CNKSR3: variants seen among roughly 807,000 people sequenced by gnomAD.
CNKSR3 encodes the protein CNKSR family member 3.
Under a neutral mutation model 67.7 loss-of-function variants are expected in CNKSR3, and 36 were observed. The observed-to-expected ratio is 0.53, with a 90% CI of 0.41 to 0.70. The LOEUF (loss-of-function observed/expected upper bound fraction) is 0.70. Among genes scored for constraint, CNKSR3 ranks in the 30% least tolerant of loss-of-function variants. The pLI is 0.00. For synonymous variants in CNKSR3, 281 were observed against 271.4 expected (o/e 1.04, Z -0.35); for missense variants, 630 against 695.2 (o/e 0.91, Z 1.05).
chr6:154,454,536 T>A (rs1582874320), intron 1 of CNKSR3, among the ~76,000 whole-genome samples: 1 of 151,920 alleles, frequency 6.6e-6, no homozygotes, highest in African/African-American at 2.4e-5. Flanking sequence ...ACAGAAAAAA[T>A]TTGTTGTTTG....
intron 1 of CNKSR3, among the ~76,000 whole-genome samples, chr6:154,476,911 A>C (rs970675209): frequency 6.6e-6 from 1 of 152,238 alleles, no homozygotes; most frequent in African/African-American, 2.4e-5. Context: ...CCAGGTCTTA[A>C]GGTTCGGTTA....
chr6:154,425,189 G>A (rs537960319), intron 7 of CNKSR3, among the ~76,000 whole-genome samples: 22 of 152,198 alleles, frequency 1.4e-4, no homozygotes, highest in South Asian at 8.3e-4. Flanking sequence ...GATCCTAATC[G>A]GTCCAGTCCA....
intron 1 of CNKSR3, among the ~76,000 whole-genome samples, chr6:154,487,766 T>G (rs1582898638): frequency 6.6e-6 from 1 of 152,226 alleles, no homozygotes; most frequent in South Asian, 2.1e-4. Context: ...GCCAGAGCCA[T>G]GGTTTTTATA....
intron 10 of CNKSR3, among the ~76,000 whole-genome samples, chr6:154,411,653 AAG>A (rs1784915144): frequency 1.3e-5 from 2 of 148,586 alleles, no homozygotes; most frequent in African/African-American, 5.0e-5. Flanking sequence ...AAAAAAAAAA[AAG>A]AAGAGTAAAT....
intron 4 of CNKSR3, among the ~76,000 whole-genome samples, chr6:154,439,045 C>T (rs983887316): frequency 1.3e-5 from 2 of 152,194 alleles, no homozygotes; most frequent in African/African-American, 4.8e-5. Flanking sequence ...TCCCATCAGA[C>T]AAGCACAGAC....
At chr6:154,500,194 T>C (rs1786967929) in intron 1 of CNKSR3, among the ~76,000 whole-genome samples, 1 of 152,052 alleles carries the variant, frequency 6.6e-6, no homozygotes, top group Non-Finnish European at 1.5e-5. Context: ...GACAATGTAA[T>C]ATAAAATTAC....
At chr6:154,429,519 G>A (rs1785321980) in intron 6 of CNKSR3, among the ~76,000 whole-genome samples, 1 of 152,104 alleles carries the variant, frequency 6.6e-6, no homozygotes, top group African/African-American at 2.4e-5. Context: ...CTACCTCCAG[G>A]AAGTCCTCCC....
intron 2 of CNKSR3, among the ~76,000 whole-genome samples, chr6:154,448,126 C>T (rs1386352538): frequency 1.3e-5 from 2 of 151,978 alleles, no homozygotes; most frequent in African/African-American, 4.8e-5. Flanking sequence ...GGAGATAAAA[C>T]ACAGCTTTAG....
At chr6:154,474,827 A>T (rs1472064726) in intron 1 of CNKSR3, among the ~76,000 whole-genome samples, 1 of 152,198 alleles carries the variant, frequency 6.6e-6, no homozygotes, top group Non-Finnish European at 1.5e-5. Flanking sequence ...GTGGCACAAA[A>T]GAGAGAGGAG....
intron 1 of CNKSR3, among the ~76,000 whole-genome samples, chr6:154,482,853 T>C (rs1353765929): frequency 1.3e-5 from 2 of 152,164 alleles, no homozygotes; most frequent in Non-Finnish European, 2.9e-5. Flanking sequence ...GAAGGGTGAA[T>C]ATATGAAAGT....
intron 7 of CNKSR3, among the ~76,000 whole-genome samples, chr6:154,427,124 T>C (rs1403683943): frequency 2.6e-5 from 4 of 152,218 alleles, no homozygotes; most frequent in African/African-American, 9.6e-5. Context: ...TACCATTTCC[T>C]ACCCATTCAT....
At chr6:154,416,886 GTC>G (rs1785035199) in intron 9 of CNKSR3, among the ~76,000 whole-genome samples, 2 of 152,184 alleles carry the variant, frequency 1.3e-5, no homozygotes, top group South Asian at 2.1e-4. Context: ...AAAATTAGGA[GTC>G]TCTGTCTCTC....
intron 1 of CNKSR3, among the ~76,000 whole-genome samples, chr6:154,474,669 C>T (rs970306167): frequency 5.3e-5 from 8 of 152,048 alleles, no homozygotes; most frequent in African/African-American, 1.7e-4. Context: ...GTGGTGTGCC[C>T]CTGGCACAGC....
intron 2 of CNKSR3, among the ~76,000 whole-genome samples, chr6:154,442,999 G>A (rs1785633403): frequency 6.6e-6 from 1 of 152,092 alleles, no homozygotes. Context: ...ACAGGTTCAA[G>A]TGAATCTCCT....
At chr6:154,509,877 G>A (rs1029376046) in intron 1 of CNKSR3, among the ~76,000 whole-genome samples, 186 bp downstream of exon 1, 8 of 152,226 alleles carry the variant, frequency 5.3e-5, no homozygotes, top group Non-Finnish European at 1.0e-4. Flanking sequence ...ACCCTGGAAA[G>A]GAAGAGCTCG....
intron 4 of CNKSR3, among the ~76,000 whole-genome samples, chr6:154,440,855 G>C (rs1308635143): frequency 6.6e-6 from 1 of 152,058 alleles, no homozygotes; most frequent in Non-Finnish European, 1.5e-5. Context: ...GTTTGTTCCT[G>C]TACCACAACC....
chr6:154,496,922 G>C (rs764950632), intron 1 of CNKSR3, among the ~76,000 whole-genome samples: 8 of 152,170 alleles, frequency 5.3e-5, no homozygotes, highest in Non-Finnish European at 1.0e-4. Flanking sequence ...AATGCCTCTT[G>C]ATTCAAACCC....
At chr6:154,442,065 T>C (rs1294595089) in intron 3 of CNKSR3, 23 bp downstream of exon 3, 7 of 1,580,008 alleles carry the variant, frequency 4.4e-6, no homozygotes, top group African/African-American at 1.3e-5. Flanking sequence ...TGCAGGGCAG[T>C]AAAAGGCACA....
At position 154,466,259 on chromosome 6, in the gene CNKSR3, T is replaced by G. The variant is rs932777952; in HGVS notation, c.53-16001A>C. On this transcript the variant is annotated intron_variant, in intron 1 of 12. Coordinates refer to ENST00000607772, the MANE Select transcript of CNKSR3 (RefSeq NM_173515.4). ...AAGTAGTTGTCAGCACAGGTCACCATGTACCTGTATATCCTAAGGGCTCCA... is the reference window on the plus strand; with the variant it reads ...AAGTAGTTGTCAGCACAGGTCACCAGGTACCTGTATATCCTAAGGGCTCCA... Among the ~76,000 whole-genome samples the G allele has an allele frequency of 4.6e-5, 7 of 152,334 alleles. No individual in the cohort carries two copies. The East Asian group carries it at 1.3e-3, about 29-fold the overall frequency.
Sources: allele counts gnomAD v4.1 joint callset (sites outside exome capture counted in the v4.1 genomes callset), GRCh38; gene constraint gnomAD v4.1.1; transcripts MANE v1.5; gene names NCBI Gene and HGNC (gene_info 2026-07-23, HGNC 2026-07-21).